ACOXL: variants seen among roughly 807,000 people sequenced by gnomAD.
ACOXL encodes the protein acyl-CoA oxidase like, also known as acyl-coenzyme A oxidase-like protein.
In ACOXL, 70 loss-of-function variants were observed where a neutral mutation model predicts 71.9. The ratio of observed to expected loss-of-function variants is 0.97; its 90% CI spans 0.80 to 1.19. The LOEUF (loss-of-function observed/expected upper bound fraction) is 1.19. Ranked by LOEUF, ACOXL falls within the 50% of genes most tolerant of loss-of-function variation. ACOXL has a pLI of 0.00. For synonymous variants in ACOXL, 253 were observed against 281.6 expected, an observed-to-expected ratio of 0.90 and a Z score of 1.02; for missense variants, 703 against 736.3, an observed-to-expected ratio of 0.95 and a Z score of 0.52.
chr2:110,768,305 C>A, intron 1 of ACOXL, 63 bp from the exon 2 acceptor site: 1 of 1,372,760 alleles, frequency 7.3e-7, no homozygotes, highest in Non-Finnish European at 1.0e-6. Flanking sequence ...GGGGTCAAAG[C>A]ATCCACAGCC....
intron 11 of ACOXL, among the ~76,000 whole-genome samples, chr2:110,911,964 C>G (rs543430423): frequency 6.6e-6 from 1 of 152,162 alleles, no homozygotes; most frequent in Admixed American, 6.5e-5. Context: ...GAAAATCTTA[C>G]AGAATCCACT....
chr2:110,971,436 G>C (rs1367998257), intron 12 of ACOXL, among the ~76,000 whole-genome samples: 1 of 152,146 alleles, frequency 6.6e-6, no homozygotes, highest in Admixed American at 6.5e-5. Context: ...GGATCTCTCT[G>C]AATTATTTCT....
intron 12 of ACOXL, among the ~76,000 whole-genome samples, chr2:110,943,180 A>G (rs1449962936): frequency 6.8e-6 from 1 of 147,034 alleles, no homozygotes; most frequent in Non-Finnish European, 1.5e-5. Context: ...GAGGGAGGGA[A>G]AGAAGGAAGG....
chr2:110,990,020 A>G (rs2063108561), intron 13 of ACOXL, among the ~76,000 whole-genome samples: 1 of 152,232 alleles, frequency 6.6e-6, no homozygotes, highest in African/African-American at 2.4e-5. Flanking sequence ...AGGCTGGGCA[A>G]CAAGAGTGAA....
intron 14 of ACOXL, among the ~76,000 whole-genome samples, chr2:111,027,610 G>T (rs570361796): frequency 1.3e-5 from 2 of 152,066 alleles, no homozygotes; most frequent in African/African-American, 4.8e-5. Context: ...GTGAGCCACC[G>T]CACTTGGCCC....
chr2:110,809,889 C>T (rs1687103297), intron 9 of ACOXL, among the ~76,000 whole-genome samples: 1 of 152,138 alleles, frequency 6.6e-6, no homozygotes, highest in South Asian at 2.1e-4. Flanking sequence ...GTGAGCACAG[C>T]AGGCTGCATG....
At position 110,736,949 on chromosome 2, in the gene ACOXL, T is replaced by C. The variant is rs549606597; in HGVS notation, c.-23+4175T>C. ...TTTTGATCATTCTTGTATCTGTTGA[T>C]AGACATTTGGCCCCCAGCCACTTTG... On this transcript the variant is annotated intron_variant, in intron 1 of 17. Transcript: ENST00000439055. Among the ~76,000 whole-genome samples, 182 of 152,332 alleles carry C rather than the reference T, an allele frequency of 1.2e-3. 1 individual carries two copies. The highest frequency in any genetic ancestry group is 2.1e-3 in the Non-Finnish European group (142 of 68,028).
At chr2:111,034,217 A>G (rs775357886) in intron 15 of ACOXL, among the ~76,000 whole-genome samples, 6 of 152,246 alleles carry the variant, frequency 3.9e-5, no homozygotes, top group Non-Finnish European at 7.3e-5. Context: ...TGGAAATATT[A>G]AATGAGACAA....
At chr2:110,876,609 C>T (rs1695937025) in intron 10 of ACOXL, among the ~76,000 whole-genome samples, 1 of 152,226 alleles carries the variant, frequency 6.6e-6, no homozygotes, top group Non-Finnish European at 1.5e-5. Flanking sequence ...TCTCCGCAGG[C>T]ACCGTGGGGC....
chr2:110,951,152 C>T (rs564970551), intron 12 of ACOXL, among the ~76,000 whole-genome samples: 3 of 152,254 alleles, frequency 2.0e-5, no homozygotes, highest in African/African-American at 7.2e-5. Flanking sequence ...CAGCGGACGT[C>T]CCATCTCTGT....
chr2:110,931,763 C>T (rs887441336), intron 11 of ACOXL, among the ~76,000 whole-genome samples: 14 of 152,284 alleles, frequency 9.2e-5, no homozygotes, highest in African/African-American at 3.4e-4. Flanking sequence ...ATTAAAAAGA[C>T]TGTAAAGACC....
intron 12 of ACOXL, among the ~76,000 whole-genome samples, chr2:110,953,806 A>T (rs2061408809): frequency 6.6e-6 from 1 of 152,212 alleles, no homozygotes; most frequent in South Asian, 2.1e-4. Flanking sequence ...ATTATGTCTT[A>T]CCATGGCAGA....
At chr2:110,923,809 G>A (rs1265984162) in intron 11 of ACOXL, among the ~76,000 whole-genome samples, 2 of 152,040 alleles carry the variant, frequency 1.3e-5, no homozygotes, top group Admixed American at 6.6e-5. Flanking sequence ...GGTGGTGGGG[G>A]CCTGTAATCC....
At chr2:110,989,797 T>A (rs1432881032) in intron 13 of ACOXL, among the ~76,000 whole-genome samples, 1 of 152,110 alleles carries the variant, frequency 6.6e-6, no homozygotes, top group African/African-American at 2.4e-5. Flanking sequence ...TATCAGCACT[T>A]TGGGAGGCTG....
chr2:110,994,987 C>G (rs967016048), intron 13 of ACOXL, among the ~76,000 whole-genome samples: 1 of 151,804 alleles, frequency 6.6e-6, no homozygotes, highest in African/African-American at 2.4e-5. Flanking sequence ...CTAGAATTAT[C>G]GAGAAAATTG....
At chr2:110,907,378 GAC>G (rs2059492237) in intron 10 of ACOXL, among the ~76,000 whole-genome samples, 1 of 152,146 alleles carries the variant, frequency 6.6e-6, no homozygotes, top group African/African-American at 2.4e-5. Flanking sequence ...ATTCTGGGGC[GAC>G]ACAGTTCAGT....
intron 12 of ACOXL, among the ~76,000 whole-genome samples, chr2:110,936,903 A>G (rs1278646152): frequency 6.6e-6 from 1 of 150,566 alleles, no homozygotes; most frequent in Non-Finnish European, 1.5e-5. Context: ...GCTGGAGTGC[A>G]ATGGTGCAAT....
Position 111,118,000 on chromosome 2 carries a change from A to G in ACOXL, c.*184A>G. 1.4e-6 allele frequency: 1 copy of G among 702,940 alleles called. No individual in the cohort carries two copies. The highest frequency in any genetic ancestry group is 2.3e-6 in the Non-Finnish European group (1 of 431,930). The allele number at this position is 702,940 out of a possible 1,614,324, so 43.5% of individuals were successfully genotyped here. A position where few individuals can be genotyped will look rare whatever the true frequency, so the allele number is the denominator to read the frequency against. ...TGCGCGGCTGGCTGCTAGGAAAGAG[A>G]TCCAGACGGTCGCCTGGTGCGCTGG... On this transcript the variant is annotated 3_prime_UTR_variant, in exon 18 of 18. Coordinates refer to ENST00000439055, the MANE Select transcript of ACOXL (RefSeq NM_001142807.4).
At chr2:110,801,843 G>C (rs552154280) in intron 8 of ACOXL, 119 bp downstream of exon 8, 37 of 766,232 alleles carry the variant, frequency 4.8e-5, no homozygotes, top group Non-Finnish European at 7.7e-5. Context: ...CTAACCACCC[G>C]TACAGGTTTG....
Sources: gnomAD v4.1 joint callset for allele counts (sites outside exome capture counted in the v4.1 genomes callset) on GRCh38, gnomAD v4.1.1 for gene constraint, MANE v1.5 for transcripts, NCBI Gene and HGNC (gene_info 2026-07-23, HGNC 2026-07-21) for gene names.